Variants in MYO10 observed in about 807,000 individuals in gnomAD.
The protein encoded by MYO10 is unconventional myosin-X.
Under a neutral mutation model 257.3 loss-of-function variants are expected in MYO10, and 133 were observed. The observed-to-expected ratio is 0.52, with a 90% CI of 0.45 to 0.60. The LOEUF is 0.60. MYO10 is among the 20% of genes least tolerant of loss of function. MYO10 has a pLI of 0.00. For missense variants in MYO10, 2,399 were observed against 2,635.7 expected (o/e 0.91, Z 1.97); for synonymous variants, 1,104 against 1,028.6 (o/e 1.07, Z -1.40).
At chr5:16,696,855 CAAAA>C (rs11284007) in intron 26 of MYO10, among the ~76,000 whole-genome samples, 1 of 99,094 alleles carries the variant, frequency 1.0e-5, no homozygotes, top group African/African-American at 3.6e-5. Context: ...GACTCTGTCT[CAAAA>C]AAAAAAAAAA....
intron 3 of MYO10, among the ~76,000 whole-genome samples, chr5:16,814,234 C>T (rs558638849): frequency 6.6e-6 from 1 of 152,278 alleles, no homozygotes; most frequent in South Asian, 2.1e-4. Context: ...CTCCGCCTCC[C>T]GGGTTCACGC....
chr5:16,671,465 T>C lies in MYO10; in HGVS notation c.5387A>G (p.Asn1796Ser), dbSNP rs1260700623. The part of the protein sequence containing the change: ...FKLYCFLDTD[N>S]VPKDSVEFAF... ...AAACTCCACACTGTCTTTTGGCACGTTGTCTGTGTCCAGGAAGCAGTAAAG... is the reference window on the plus strand; with the variant it reads ...AAACTCCACACTGTCTTTTGGCACGCTGTCTGTGTCCAGGAAGCAGTAAAG... Residue 1796 changes from asparagine (N) to serine (S), a missense_variant, in exon 38 of 41, where the codon AAC (asparagine) becomes AGC (serine). This residue lies in a region of MYO10 where 1,820 missense variants were observed against 1,939.4 expected (regional missense o/e 0.94). Coordinates refer to ENST00000513610, the MANE Select transcript of MYO10 (RefSeq NM_012334.3). 3.1e-6 allele frequency: 5 copies of C among 1,613,916 alleles called. No individual in the cohort carries two copies. The African/African-American group carries it at 5.3e-5, about 17-fold the overall frequency.
At chr5:16,882,997 G>C (rs1580111608) in intron 1 of MYO10, among the ~76,000 whole-genome samples, 1 of 151,248 alleles carries the variant, frequency 6.6e-6, no homozygotes, top group Non-Finnish European at 1.5e-5. Flanking sequence ...CTCACTGCAA[G>C]CTCTGCCTCC....
At chr5:16,708,285 T>TA (rs1204708466) in intron 21 of MYO10, among the ~76,000 whole-genome samples, 1 of 152,214 alleles carries the variant, frequency 6.6e-6, no homozygotes, top group African/African-American at 2.4e-5. Context: ...CTTACTCCTT[T>TA]AAAAAGATTG....
chr5:16,783,467 C>A lies in MYO10; in HGVS notation c.470G>T (p.Gly157Val), dbSNP rs1248356600. Residue 157 changes from glycine to valine, a missense_variant and splice_region_variant, in exon 5 of 41, where the codon GGT becomes GTT. Physicochemically the swap from Gly to Val is moderately radical, Grantham distance 109. Coordinates refer to ENST00000513610, the MANE Select transcript of MYO10 (RefSeq NM_012334.3). ...RHDNQCILIS[G>V]ESGAGKTEST... ...TTCGGTTTTACCTGCCCCACTTTCA[C>A]CACTGAAAGACAAAACGGAAAAGTT... 6.2e-7 allele frequency: 1 copy of A among 1,607,986 alleles called. No individual in the cohort carries two copies.
intron 19 of MYO10, among the ~76,000 whole-genome samples, chr5:16,714,823 C>T (rs1738777976): frequency 6.6e-6 from 1 of 152,096 alleles, no homozygotes; most frequent in African/African-American, 2.4e-5. Flanking sequence ...AAAACAACAA[C>T]AACAACAAAA....
chr5:16,742,062 A>G, intron 19 of MYO10: 8 of 985,432 alleles, frequency 8.1e-6, no homozygotes, highest in Non-Finnish European at 9.6e-6. Flanking sequence ...CAAACTAACC[A>G]TCATGCACGC....
At chr5:16,858,526 AT>A (rs1450137491) in intron 2 of MYO10, among the ~76,000 whole-genome samples, 1 of 151,970 alleles carries the variant, frequency 6.6e-6, no homozygotes, top group Non-Finnish European at 1.5e-5. Context: ...TATATTGAGC[AT>A]TTCTGTTACC....
In MYO10 at chr5:16,754,830, T is replaced by C. The variant is rs1446655569; in HGVS notation, c.1927A>G (p.Lys643Glu). The C allele has an allele frequency of 3.1e-6, 5 of 1,598,898 alleles. No homozygotes were observed. In the South Asian group the frequency reaches 5.7e-5, roughly 18 times the overall value. ...CCTAGGACTGTCATCAATCTTACCT[T>C]CTGCATGTTTGGCTTGATACAGCGA... is the stretch of plus-strand genomic sequence containing the variant. ...FVRCIKPNMQ[K>E]MPDQFDQAVV... The change falls in exon 19 of 41, where the codon AAG becomes GAG. Residue 643 changes from lysine (K) to glutamate (E), a missense_variant and splice_region_variant. Physicochemically the swap from Lys to Glu is moderately conservative, Grantham distance 56. Coordinates refer to ENST00000513610, the MANE Select transcript of MYO10 (RefSeq NM_012334.3).
intron 1 of MYO10, among the ~76,000 whole-genome samples, chr5:16,921,412 A>C (rs544435856): frequency 1.5e-4 from 23 of 152,134 alleles, no homozygotes; most frequent in Non-Finnish European, 2.9e-4. Flanking sequence ...CAGTGGTTCC[A>C]GCTGGCCAGG....
At chr5:16,736,270 A>C (rs963735060) in intron 19 of MYO10, among the ~76,000 whole-genome samples, 1 of 152,216 alleles carries the variant, frequency 6.6e-6, no homozygotes, top group Non-Finnish European at 1.5e-5. Flanking sequence ...TTAATTGAGC[A>C]TGAGAAGGGA....
At chr5:16,830,679 G>GCACACACACACACACACACACTCA (rs1554000812) in intron 2 of MYO10, among the ~76,000 whole-genome samples, 1 of 148,920 alleles carries the variant, frequency 6.7e-6, no homozygotes, top group Non-Finnish European at 1.5e-5. Flanking sequence ...TTTTTAATAG[G>GCACACACACACACACACACACTCA]CACACACACA....
chr5:16,823,467 G>GGTTTTTTTTTTTTTTTTTTTTT (rs1561003861), intron 2 of MYO10, among the ~76,000 whole-genome samples: 1 of 3,986 alleles, frequency 2.5e-4, no homozygotes, highest in African/African-American at 9.8e-4. Context: ...GGGGAGTGGG[G>GGTTTTTTTTTTTTTTTTTTTTT]ATTTTTTTTT....
At chr5:16,690,017 T>TTTC in intron 27 of MYO10, 98 bp from the exon 28 acceptor site, 2 of 866,166 alleles carry the variant, frequency 2.3e-6, no homozygotes. Context: ...AGTTGGGAAC[T>TTTC]GTCTGTTACT....
In MYO10 at chr5:16,664,545, C is replaced by T. The variant is rs1736083715; in HGVS notation, c.*2147G>A. The T allele has an allele frequency of 4.6e-5, 7 of 152,204 alleles. No homozygotes were observed. The highest frequency in any genetic ancestry group is 4.6e-4 in the Admixed American group (7 of 15,270). The allele number at this position is 152,204 out of a possible 1,614,324, so 9.4% of individuals were successfully genotyped here. On this transcript the variant is annotated 3_prime_UTR_variant, in exon 41 of 41. Coordinates refer to ENST00000513610, the MANE Select transcript of MYO10 (RefSeq NM_012334.3). ...AGAATGGGAAGAAGCCATCCGTGAGCATGAGCAGAGGGTGGGAGTCAGTGG... is the reference window on the plus strand; with the variant it reads ...AGAATGGGAAGAAGCCATCCGTGAGTATGAGCAGAGGGTGGGAGTCAGTGG...
intron 19 of MYO10, among the ~76,000 whole-genome samples, chr5:16,750,196 A>G (rs11959214): frequency 0.069 from 10,459 of 152,224 alleles, 1,169 homozygotes; most frequent in African/African-American, 0.24. Context: ...TCTCTCGGGA[A>G]GCAGGCTTTT....
chr5:16,681,950 C>T lies in MYO10; in HGVS notation c.4110G>A (p.Glu1370=), dbSNP rs1228214059. 1.2e-6 allele frequency: 2 copies of T among 1,613,832 alleles called. No homozygotes were observed. The highest frequency in any genetic ancestry group is 1.1e-5 in the South Asian group (1 of 91,082). ...RVLHCNADTP[E]EMHHWITLLQ... ...GCAGGGTTATCCAGTGGTGCATCTCCTCCGGCGTGTCGGCGTTGCAGTGCA... is the reference window on the plus strand; with the variant it reads ...GCAGGGTTATCCAGTGGTGCATCTCTTCCGGCGTGTCGGCGTTGCAGTGCA... Residue 1370 remains glutamate, a synonymous_variant, in exon 31 of 41, where the codon GAG becomes GAA. Transcript: ENST00000513610.
chr5:16,919,223 C>T (rs1745912531), intron 1 of MYO10, among the ~76,000 whole-genome samples: 1 of 151,924 alleles, frequency 6.6e-6, no homozygotes, highest in South Asian at 2.1e-4. Context: ...ACTAAAAACA[C>T]AAAAATTAGC....
At chr5:16,816,771 G>A (rs7723239) in intron 3 of MYO10, among the ~76,000 whole-genome samples, 58,418 of 151,346 alleles carry the variant, frequency 0.39, 11,861 homozygotes, top group Non-Finnish European at 0.45. Flanking sequence ...CTCGTGATCC[G>A]CCCGTCTCAG....
Sources: gnomAD v4.1 joint callset for allele counts (sites outside exome capture counted in the v4.1 genomes callset) on GRCh38, gnomAD v4.1.1 for gene constraint, gnomAD v4.1.1 regional missense constraint, MANE v1.5 for transcripts, NCBI Gene and HGNC (gene_info 2026-07-23, HGNC 2026-07-21) for gene names.